ZNF559: variants seen among roughly 807,000 people sequenced by gnomAD.
ZNF559 encodes putative protein product of Nbla00121.
A neutral mutation model predicts 14.2 loss-of-function variants in ZNF559; 17 were observed. That is an observed-to-expected ratio of 1.20 (90% CI 0.82 to 1.80). The LOEUF is 1.80. ZNF559 is among the 40% of genes most tolerant of loss of function. The pLI is 0.00. For missense variants in ZNF559, 740 were observed against 629.7 expected, an observed-to-expected ratio of 1.18 and a Z score of -1.88; for synonymous variants, 244 against 212.4, an observed-to-expected ratio of 1.15 and a Z score of -1.29.
Position 9,324,731 on chromosome 19 carries a change from C to T in ZNF559, c.-169C>T. The T allele has an allele frequency of 2.0e-6, 3 of 1,535,678 alleles. No individual in the cohort carries two copies. Among genetic ancestry groups the T allele is most frequent in the Non-Finnish European group, 2.6e-6 (3 of 1,146,800 alleles). On this transcript the variant is annotated 5_prime_UTR_variant, in exon 2 of 7. Transcript: ENST00000603380. Reference sequence around the variant, plus strand: ...CTGCCTTCCTGTTCACGGTGACCTTCGCTTGGTGTCCTCCTGGCCTCAGCA... The same window carrying T: ...CTGCCTTCCTGTTCACGGTGACCTTTGCTTGGTGTCCTCCTGGCCTCAGCA...
chr19:9,324,762 A>G lies in ZNF559; in HGVS notation c.-138A>G. ...GTGTCCTCCTGGCCTCAGCAACCTG[A>G]CAATTCTGTCGTGTCCCGGTGAGCA... On this transcript the variant is annotated 5_prime_UTR_variant, in exon 2 of 7. Transcript: ENST00000603380. The G allele has an allele frequency of 6.5e-7, 1 of 1,535,588 alleles. No homozygotes were observed. The highest frequency in any genetic ancestry group is 2.0e-5 in the Admixed American group (1 of 50,938).
rs561371149 is a variant in ZNF559, at chr19:9,343,206, A to G, written c.*138A>G. On this transcript the variant is annotated 3_prime_UTR_variant, in exon 7 of 7. Transcript: ENST00000603380. ...TTCCTTGGTGTCTCAGATCTTAACAATTCCAATAGAAGAGAAGACATATGA... is the reference window on the plus strand; with the variant it reads ...TTCCTTGGTGTCTCAGATCTTAACAGTTCCAATAGAAGAGAAGACATATGA... 6.9e-4 allele frequency: 1,024 copies of G among 1,476,100 alleles called. No individual in the cohort carries two copies. Among genetic ancestry groups the G allele is most frequent in the Non-Finnish European group, 8.6e-4 (965 of 1,121,804 alleles). The allele number at this position is 1,476,100 out of a possible 1,614,324, so 91.4% of individuals were successfully genotyped here. A position where few individuals can be genotyped will look rare whatever the true frequency, so the allele number is the denominator to read the frequency against.
intron 1 of ZNF559, 157 bp downstream of exon 1, chr19:9,324,385 C>T (rs1050677143): frequency 6.7e-7 from 1 of 1,483,516 alleles, no homozygotes; most frequent in Non-Finnish European, 8.9e-7. Flanking sequence ...CGCGGCCCCT[C>T]CTCTGAGAGC....
Position 9,342,041 on chromosome 19 carries a change from C to T in ZNF559, c.590C>T (p.Ser197Phe), listed in dbSNP as rs775355482. Reference protein sequence around the residue: ...CSDCEKGLPSSSHLRECVRIY... With the variant: ...CSDCEKGLPSFSHLRECVRIY... ...GACTGTGAAAAAGGCTTACCTTCCTCCTCACACCTCAGAGAATGTGTAAGA... is the reference window on the plus strand; with the variant it reads ...GACTGTGAAAAAGGCTTACCTTCCTTCTCACACCTCAGAGAATGTGTAAGA... Residue 197 changes from serine to phenylalanine, a missense_variant, in exon 7 of 7, where the codon TCC (serine) becomes TTC (phenylalanine). Coordinates refer to ENST00000603380, the MANE Select transcript of ZNF559 (RefSeq NM_032497.3). 6 of 1,610,866 alleles carry T rather than the reference C, an allele frequency of 3.7e-6. No individual in the cohort carries two copies. The highest frequency in any genetic ancestry group is 2.2e-5 in the East Asian group (1 of 44,850).
rs546961053 is a variant in ZNF559, at chr19:9,345,652, T to G, written c.*2584T>G. 9.8e-6 allele frequency: 1 copy of G among 101,760 alleles called. No homozygotes were observed. Among genetic ancestry groups the G allele is most frequent in the South Asian group, 3.3e-4 (1 of 3,006 alleles). 6.3% of individuals were successfully genotyped at this position (101,760 alleles called of 1,614,324 possible). On this transcript the variant is annotated 3_prime_UTR_variant, in exon 7 of 7. Coordinates refer to ENST00000603380, the MANE Select transcript of ZNF559 (RefSeq NM_032497.3). ...TTATATTGGCTTTATTTTTTATTTA[T>G]TTTTATTTTTTTTTATATAGAGACA...
rs780665784 is a variant in ZNF559, at chr19:9,341,873, A to G, written c.422A>G (p.Asp141Gly). The G allele has an allele frequency of 6.2e-7, 1 of 1,610,578 alleles. No homozygotes were observed. Among genetic ancestry groups the G allele is most frequent in the Non-Finnish European group, 8.5e-7 (1 of 1,179,120 alleles). The part of the protein sequence containing the change: ...PSIFTLHKKT[D>G]IGEELPNCNQ... Reference sequence around the variant, plus strand: ...ATCTTTACTTTACACAAGAAAACTGATATCGGAGAGGAACTTCCTAACTGT... The same window carrying G: ...ATCTTTACTTTACACAAGAAAACTGGTATCGGAGAGGAACTTCCTAACTGT... The change falls in exon 7 of 7, where the codon GAT becomes GGT. Residue 141 changes from aspartate to glycine, a missense_variant. Coordinates refer to ENST00000603380, the MANE Select transcript of ZNF559 (RefSeq NM_032497.3).
chr19:9,324,654 A>T, intron 1 of ZNF559, 41 bp from the exon 2 acceptor site: 1 of 1,448,240 alleles, frequency 6.9e-7, no homozygotes, highest in South Asian at 1.3e-5. Context: ...GAAAAAAAAA[A>T]AAAAGTCTCC....
At chr19:9,331,668 T>C (rs2066942927) in intron 2 of ZNF559, among the ~76,000 whole-genome samples, 1 of 152,184 alleles carries the variant, frequency 6.6e-6, no homozygotes, top group African/African-American at 2.4e-5. Context: ...TTGTTCTTAC[T>C]GGTATAAATG....
chr19:9,336,052 T>C (rs1343458526), intron 2 of ZNF559, among the ~76,000 whole-genome samples: 1 of 152,116 alleles, frequency 6.6e-6, no homozygotes, highest in Non-Finnish European at 1.5e-5. Context: ...GTATTCTGAG[T>C]TTCTTTAGTG....
At chr19:9,326,635 G>GT (rs2066621656) in intron 2 of ZNF559, among the ~76,000 whole-genome samples, 1 of 152,088 alleles carries the variant, frequency 6.6e-6, no homozygotes, top group Non-Finnish European at 1.5e-5. Flanking sequence ...AATGTTAAAT[G>GT]TATGTGTGAT....
At chr19:9,324,046 G>A (rs1390453149), upstream of ZNF559, 15 of 1,052,972 alleles carry the variant, frequency 1.4e-5, no homozygotes, top group Non-Finnish European at 1.6e-5. Flanking sequence ...TGCGCTCTTC[G>A]GGGAGGTAAA....
chr19:9,325,659 A>T (rs8109209), intron 2 of ZNF559, among the ~76,000 whole-genome samples: 28 of 151,612 alleles, frequency 1.8e-4, no homozygotes, highest in African/African-American at 6.3e-4. Flanking sequence ...GGGCGTGGGC[A>T]CCTGTAATCC....
At chr19:9,339,934 A>ATTTTTTTTT (rs545536064) in intron 5 of ZNF559, among the ~76,000 whole-genome samples, 2,019 of 86,276 alleles carry the variant, frequency 0.023, no homozygotes, top group Middle Eastern at 0.036. Flanking sequence ...ACGCCTGGCT[A>ATTTTTTTTT]TTTTTTTTTT....
chr19:9,332,531 G>T (rs867209686), intron 2 of ZNF559, among the ~76,000 whole-genome samples: 1 of 152,062 alleles, frequency 6.6e-6, no homozygotes, highest in Admixed American at 6.5e-5. Context: ...CGGTCATCAG[G>T]GAGGCTACAT....
At position 9,342,544 on chromosome 19, in the gene ZNF559, T is replaced by G. The variant is rs145310710; in HGVS notation, c.1093T>G (p.Ser365Ala). 396 of 1,614,054 alleles carry G rather than the reference T, an allele frequency of 2.5e-4. 1 individual carries two copies. The highest frequency in any genetic ancestry group is 3.3e-4 in the Non-Finnish European group (384 of 1,179,986). Residue 365 changes from serine (S) to alanine (A), a missense_variant, in exon 7 of 7, where the codon TCT (serine) becomes GCT (alanine). Transcript: ENST00000603380. ...GGAATGTGGGAAAGCTTTTGCTAAC[T>G]CTTCACATCTTACTGTACATATGAG... ...CKECGKAFAN[S>A]SHLTVHMRTH...
intron 2 of ZNF559, among the ~76,000 whole-genome samples, chr19:9,337,149 TAG>T (rs2067282975): frequency 6.6e-6 from 1 of 152,178 alleles, no homozygotes; most frequent in African/African-American, 2.4e-5. Flanking sequence ...TACTGAGGGT[TAG>T]TCCCGTAGGC....
chr19:9,332,510 G>T (rs553543226), intron 2 of ZNF559, among the ~76,000 whole-genome samples: 1 of 152,150 alleles, frequency 6.6e-6, no homozygotes, highest in Non-Finnish European at 1.5e-5. Flanking sequence ...GCCTTGGGGG[G>T]ATGGTTGCCT....
At chr19:9,335,127 C>G (rs2067159123) in intron 2 of ZNF559, among the ~76,000 whole-genome samples, 1 of 106,154 alleles carries the variant, frequency 9.4e-6, no homozygotes, top group African/African-American at 4.3e-5. Context: ...CAGAGCGAGA[C>G]TCTGTCTCAA....
chr19:9,337,058 TCTC>T (rs1410345093), intron 2 of ZNF559, among the ~76,000 whole-genome samples: 1 of 152,164 alleles, frequency 6.6e-6, no homozygotes, highest in Non-Finnish European at 1.5e-5. Context: ...AGTGCTTAAT[TCTC>T]CTAGTAAAAG....
Sources: gnomAD v4.1 joint callset for allele counts (sites outside exome capture counted in the v4.1 genomes callset) on GRCh38, gnomAD v4.1.1 for gene constraint, MANE v1.5 for transcripts, NCBI Gene and HGNC (gene_info 2026-07-23, HGNC 2026-07-21) for gene names.